Variants in HMCN2 observed in about 807,000 individuals in gnomAD.
HMCN2 encodes the protein hemicentin-2.
A neutral mutation model predicts 377.5 loss-of-function variants in HMCN2; 325 were observed. The observed-to-expected ratio is 0.86, with a 90% CI of 0.79 to 0.94. The LOEUF is 0.94. Ranked by LOEUF, HMCN2 falls within the 40% of genes least tolerant of loss-of-function variation. The probability of loss-of-function intolerance (pLI) is 0.00; values close to 1 mark genes in which losing one functional copy is unlikely to be tolerated. For synonymous variants in HMCN2, 2,007 were observed against 2,046.8 expected, an observed-to-expected ratio of 0.98 and a Z score of 0.53; for missense variants, 4,543 against 4,725.3, an observed-to-expected ratio of 0.96 and a Z score of 1.13.
intron 1 of HMCN2, among the ~76,000 whole-genome samples, chr9:130,278,001 C>CACCATCATCATCATCACCACT (rs1554923931): frequency 4.2e-5 from 2 of 47,108 alleles, no homozygotes; most frequent in Non-Finnish European, 7.3e-5. Flanking sequence ...TCATCACCAC[C>CACCATCATCATCATCACCACT]ACCACCATCA....
At chr9:130,431,165 T>A (rs1216275237) in intron 95 of HMCN2, 1 of 603,972 alleles carries the variant, frequency 1.7e-6, no homozygotes, top group East Asian at 2.8e-5. Context: ...GAGCACGGGG[T>A]AGGTAAGGTG....
intron 34 of HMCN2, 93 bp downstream of exon 34, chr9:130,356,350 G>A: frequency 1.7e-6 from 2 of 1,164,540 alleles, no homozygotes; most frequent in Non-Finnish European, 2.2e-6. Context: ...AAGGGCACGG[G>A]GCTGGTCTTT....
intron 1 of HMCN2, among the ~76,000 whole-genome samples, chr9:130,278,781 A>G (rs1237945305): frequency 6.7e-6 from 1 of 148,840 alleles, no homozygotes; most frequent in Non-Finnish European, 1.5e-5. Flanking sequence ...GGGTTTCTCC[A>G]TGTTGGTCAG....
intron 85 of HMCN2, among the ~76,000 whole-genome samples, chr9:130,415,951 G>A (rs913451653): frequency 6.6e-6 from 1 of 151,956 alleles, no homozygotes. Context: ...GCACATCAAG[G>A]CAGCCCCCAG....
intron 82 of HMCN2, chr9:130,406,556 T>C (rs1476024703): frequency 1.7e-5 from 4 of 234,782 alleles, no homozygotes; most frequent in Admixed American, 1.5e-4. Flanking sequence ...ACACAGGGCC[T>C]GTGGAGTACC....
At position 130,375,964 on chromosome 9, in the gene HMCN2, G is replaced by A. The variant is rs1467890849; in HGVS notation, c.7893G>A (p.Val2631=). ...TCACCAATGAGCTCGGGGAGGCCGT[G>A]AAAAACTACCATGTGGAAGTGCTCA... ...CVVTNELGEA[V]KNYHVEVLIP... The change falls in exon 51 of 98, where the codon GTG becomes GTA. Residue 2631 remains valine (V), a synonymous_variant. Transcript: ENST00000683500. 2.0e-6 allele frequency: 2 copies of A among 985,748 alleles called. No individual in the cohort carries two copies. Among genetic ancestry groups the A allele is most frequent in the Admixed American group, 6.1e-5 (1 of 16,268 alleles). The allele number at this position is 985,748 out of a possible 1,614,324, so 61.1% of individuals were successfully genotyped here. A position where few individuals can be genotyped will look rare whatever the true frequency, so the allele number is the denominator to read the frequency against.
intron 73 of HMCN2, among the ~76,000 whole-genome samples, chr9:130,396,857 G>C (rs958355382): frequency 2.6e-5 from 4 of 152,228 alleles, no homozygotes; most frequent in Non-Finnish European, 4.4e-5. Flanking sequence ...AGATCTAGGG[G>C]CTGCTCTCAG....
At position 130,328,377 on chromosome 9, in the gene HMCN2, G is replaced by A. The variant is rs910369426; in HGVS notation, c.3359+902G>A. 9.3e-4 allele frequency among the ~76,000 whole-genome samples: 142 copies of A among 152,328 alleles called. 1 individual carries two copies. Among genetic ancestry groups the A allele is most frequent in the East Asian group, 1.5e-3 (8 of 5,176 alleles). ...CTAGAAAGCCCGGTCCTAGCTCCGC[G>A]GCTGGGTGGTGGCCCTCAGCTGGAG... is the stretch of plus-strand genomic sequence containing the variant. On this transcript the variant is annotated intron_variant, in intron 22 of 97. Transcript: ENST00000683500.
chr9:130,386,649 T>G (rs1842037830), intron 61 of HMCN2, 125 bp downstream of exon 61: 1 of 429,244 alleles, frequency 2.3e-6, no homozygotes, highest in South Asian at 2.2e-5. Context: ...GCACAATGAC[T>G]AGAATTTGTG....
chr9:130,369,515 G>A lies in HMCN2; in HGVS notation c.6788-55G>A. 1.0e-6 allele frequency: 1 copy of A among 957,944 alleles called. No individual in the cohort carries two copies. The highest frequency in any genetic ancestry group is 5.4e-4 in the Middle Eastern group (1 of 1,862). The allele number at this position is 957,944 out of a possible 1,614,324, so 59.3% of individuals were successfully genotyped here. A position where few individuals can be genotyped will look rare whatever the true frequency, so the allele number is the denominator to read the frequency against. ...CCTATTGGGCCCGGGGTAAGTGTGTGGTGCCTGGTGGCCCCAGCAGCTTTC... is the reference window on the plus strand; with the variant it reads ...CCTATTGGGCCCGGGGTAAGTGTGTAGTGCCTGGTGGCCCCAGCAGCTTTC... On this transcript the variant is annotated intron_variant, in intron 44 of 97. Coordinates refer to ENST00000683500, the MANE Select transcript of HMCN2 (RefSeq NM_001291815.2). The surrounding 1 kb of genome is among the most constrained non-coding windows in gnomAD (Gnocchi z 4.5).
At chr9:130,431,835 G>A (rs556032587) in intron 96 of HMCN2, among the ~76,000 whole-genome samples, 1 of 152,362 alleles carries the variant, frequency 6.6e-6, no homozygotes, top group East Asian at 1.9e-4. Context: ...CTCTCAGATA[G>A]CTGGGATGAG....
At position 130,424,795 on chromosome 9, in the gene HMCN2, C is replaced by T. The variant is rs765716636; in HGVS notation, c.13401C>T (p.Leu4467=). 4.5e-6 allele frequency: 7 copies of T among 1,540,686 alleles called. No individual in the cohort carries two copies. In the South Asian group the frequency reaches 6.0e-5, roughly 13 times the overall value. The change falls in exon 88 of 98, where the codon CTC becomes CTT. Residue 4467 remains leucine, a synonymous_variant. Transcript: ENST00000683500. ...ACCCAGGGCCTCTGATGCGGGTGCT[C>T]GTGGTCACCATCGCCCCCATCTACT... ...PANVGPLMRV[L]VVTIAPIYWA...
chr9:130,373,687 G>GGATA (rs1305199278), intron 48 of HMCN2, among the ~76,000 whole-genome samples: 2 of 118,676 alleles, frequency 1.7e-5, no homozygotes, highest in Non-Finnish European at 3.7e-5. Context: ...ATGGATGGAT[G>GGATA]GATAGATGGA....
rs1177875902 is a variant in HMCN2 at position 130,317,467 on chromosome 9, A to ATCTCTC, written c.2351-1994_2351-1989dup. Among the ~76,000 whole-genome samples the ATCTCTC allele has an allele frequency of 3.2e-3, 398 of 123,450 alleles. 1 individual carries two copies. The highest frequency in any genetic ancestry group is 6.4e-3 in the African/African-American group (210 of 32,786). The allele number at this position is 123,450 out of a possible 152,430, so 81.0% of individuals were successfully genotyped here. On this transcript the variant is annotated intron_variant, in intron 15 of 97. Transcript: ENST00000683500. ...GCCTAGATGATAGCGAGACCCCACC[A>ATCTCTC]TCTCTCTCTCTCTCTCTCTCTCTCT...
chr9:130,357,454 ATGGG>A (rs1669248861), intron 34 of HMCN2, among the ~76,000 whole-genome samples: 1 of 141,568 alleles, frequency 7.1e-6, no homozygotes, highest in Non-Finnish European at 1.5e-5. Flanking sequence ...GGATTGATGG[ATGGG>A]TGGGTGGATG....
chr9:130,340,066 T>A (rs1838964881), intron 23 of HMCN2, among the ~76,000 whole-genome samples: 1 of 152,262 alleles, frequency 6.6e-6, no homozygotes. Context: ...CCAAGTCATA[T>A]AACCTTTCTG....
intron 22 of HMCN2, among the ~76,000 whole-genome samples, chr9:130,334,139 T>C (rs1260446385): frequency 2.0e-5 from 3 of 152,162 alleles, no homozygotes; most frequent in African/African-American, 7.2e-5. Context: ...GTGTCCCAGG[T>C]AGAAGGAACA....
intron 4 of HMCN2, among the ~76,000 whole-genome samples, chr9:130,289,573 C>T (rs1221611077): frequency 1.3e-5 from 2 of 152,098 alleles, no homozygotes; most frequent in African/African-American, 4.8e-5. Flanking sequence ...TTCTTGTGTG[C>T]AGTTGGGTTA....
At chr9:130,420,941 A>G (rs1398621636) in intron 86 of HMCN2, among the ~76,000 whole-genome samples, 1 of 151,974 alleles carries the variant, frequency 6.6e-6, no homozygotes, top group African/African-American at 2.4e-5. Context: ...CTTCCTTTAT[A>G]TATGTTAACT....
Sources: allele counts gnomAD v4.1 joint callset (sites outside exome capture counted in the v4.1 genomes callset), GRCh38; gene constraint gnomAD v4.1.1; non-coding constraint Gnocchi (gnomAD v3.1); transcripts MANE v1.5; gene names NCBI Gene and HGNC (gene_info 2026-07-23, HGNC 2026-07-21).